SPAG16: variants seen among roughly 807,000 people sequenced by gnomAD.
SPAG16 encodes the protein sperm associated antigen 16, also known as sperm-associated antigen 16 protein.
In SPAG16, 86 loss-of-function variants were observed where a neutral mutation model predicts 80.4. The ratio of observed to expected loss-of-function variants is 1.07; its 90% CI spans 0.90 to 1.28. SPAG16 has a LOEUF of 1.28. SPAG16 is among the 50% of genes most tolerant of loss of function. SPAG16 has a pLI of 0.00. For missense variants in SPAG16, 870 were observed against 765.3 expected (o/e 1.14, Z -1.61); for synonymous variants, 294 against 265.9 (o/e 1.11, Z -1.03).
chr2:213,316,087 A>G (rs186645035), intron 4 of SPAG16, among the ~76,000 whole-genome samples: 1 of 152,082 alleles, frequency 6.6e-6, no homozygotes, highest in African/African-American at 2.4e-5. Context: ...CTGAACTCTG[A>G]ACATGTATAC....
chr2:214,298,145 CACACACACACATAT>C lies in SPAG16; in HGVS notation c.1721-111983_1721-111970del, dbSNP rs1338055218. ...ACACACACACACACATACACATACA[CACACACACACATAT>C]ACACACACACACACACATATATATA... On this transcript the variant is annotated intron_variant, in intron 15 of 15. Coordinates refer to ENST00000331683, the MANE Select transcript of SPAG16 (RefSeq NM_024532.5). Among the ~76,000 whole-genome samples, 10 of 17,206 alleles carry C rather than the reference CACACACACACATAT, an allele frequency of 5.8e-4. 1 individual carries two copies. The highest frequency in any genetic ancestry group is 1.7e-3 in the African/African-American group (10 of 5,828). The allele number at this position is 17,206 out of a possible 152,430, so 11.3% of individuals were successfully genotyped here. A position where few individuals can be genotyped will look rare whatever the true frequency, so the allele number is the denominator to read the frequency against.
intron 9 of SPAG16, among the ~76,000 whole-genome samples, chr2:213,408,825 C>T (rs1234358307): frequency 6.6e-6 from 1 of 152,148 alleles, no homozygotes; most frequent in East Asian, 1.9e-4. Flanking sequence ...ACCATCTATA[C>T]CAATTCTAAG....
intron 10 of SPAG16, among the ~76,000 whole-genome samples, chr2:213,741,822 A>G (rs955807769): frequency 1.3e-5 from 2 of 152,134 alleles, no homozygotes; most frequent in African/African-American, 4.8e-5. Context: ...TGTTATATCT[A>G]CCTGTTGAAT....
chr2:214,099,651 CATGATT>C (rs1288322423), intron 13 of SPAG16, among the ~76,000 whole-genome samples: 1 of 151,978 alleles, frequency 6.6e-6, no homozygotes, highest in Non-Finnish European at 1.5e-5. Flanking sequence ...ATACAACAAA[CATGATT>C]TATGGTAGTT....
intron 15 of SPAG16, among the ~76,000 whole-genome samples, chr2:214,291,345 G>A (rs1390307887): frequency 3.9e-5 from 4 of 102,018 alleles, no homozygotes; most frequent in African/African-American, 1.2e-4. Context: ...TTGCTCTGTC[G>A]CCCAGGCTGG....
intron 8 of SPAG16, among the ~76,000 whole-genome samples, chr2:213,369,985 T>C (rs964748248): frequency 6.6e-6 from 1 of 152,220 alleles, no homozygotes; most frequent in African/African-American, 2.4e-5. Flanking sequence ...TTATGACGTG[T>C]ATCCAACATT....
intron 15 of SPAG16, among the ~76,000 whole-genome samples, chr2:214,178,923 T>C (rs186885505): frequency 2.0e-5 from 3 of 151,450 alleles, no homozygotes; most frequent in African/African-American, 7.2e-5. Context: ...AGCCCAGTTG[T>C]TACCGTCATT....
chr2:213,327,867 A>AATG (rs967592543), intron 5 of SPAG16, among the ~76,000 whole-genome samples: 4 of 152,100 alleles, frequency 2.6e-5, no homozygotes, highest in African/African-American at 9.7e-5. Context: ...AGTATTATGA[A>AATG]ATGATGATGA....
intron 11 of SPAG16, among the ~76,000 whole-genome samples, chr2:213,895,944 A>G (rs941993333): frequency 6.6e-6 from 1 of 152,144 alleles, no homozygotes; most frequent in Non-Finnish European, 1.5e-5. Context: ...AAATGAAAAG[A>G]AAAACCAGGA....
At chr2:213,775,494 A>G (rs2069516644) in intron 10 of SPAG16, among the ~76,000 whole-genome samples, 1 of 152,176 alleles carries the variant, frequency 6.6e-6, no homozygotes, top group Non-Finnish European at 1.5e-5. Flanking sequence ...CATAAGATCT[A>G]TCTACCCTCT....
Position 213,490,091 on chromosome 2 carries a change from G to C in SPAG16, c.1070+1G>C. 3 of 1,570,578 alleles carry C rather than the reference G, an allele frequency of 1.9e-6. No individual in the cohort carries two copies. The South Asian group carries it at 3.6e-5, about 19-fold the overall frequency. ...GACTCCATGAACTTCCAGTGAGCTG[G>C]TAGGATTTTTGATGTTTTATTAATA... On this transcript the variant is annotated splice_donor_variant, in intron 10 of 15. Transcript: ENST00000331683. LOFTEE classifies it high-confidence loss of function.
intron 12 of SPAG16, among the ~76,000 whole-genome samples, chr2:213,974,242 G>A (rs1046185001): frequency 2.6e-5 from 4 of 152,052 alleles, no homozygotes; most frequent in African/African-American, 7.2e-5. Flanking sequence ...GAAATGCTAC[G>A]ATTTAAGCTC....
intron 13 of SPAG16, among the ~76,000 whole-genome samples, chr2:214,103,063 T>G (rs2053166337): frequency 6.6e-6 from 1 of 152,148 alleles, no homozygotes; most frequent in Non-Finnish European, 1.5e-5. Flanking sequence ...GGGAGGTATA[T>G]GCATGCCCAT....
intron 10 of SPAG16, among the ~76,000 whole-genome samples, chr2:213,566,732 T>C (rs2059781920): frequency 6.6e-6 from 1 of 152,220 alleles, no homozygotes; most frequent in African/African-American, 2.4e-5. Context: ...CTTCTGGTGA[T>C]GGTGTATAAT....
At chr2:214,175,300 GAAATATATATATAA>G (rs1458087261) in intron 15 of SPAG16, among the ~76,000 whole-genome samples, 3 of 68,316 alleles carry the variant, frequency 4.4e-5, no homozygotes, top group Non-Finnish European at 1.4e-4. Context: ...TATATATAAA[GAAATATATATATAA>G]AGAAATATAT....
At chr2:213,968,342 G>A (rs890335525) in intron 12 of SPAG16, among the ~76,000 whole-genome samples, 1 of 151,644 alleles carries the variant, frequency 6.6e-6, no homozygotes, top group Non-Finnish European at 1.5e-5. Flanking sequence ...ACCCACACCT[G>A]CCACCACACC....
At chr2:214,132,419 A>G (rs1285475890) in intron 14 of SPAG16, among the ~76,000 whole-genome samples, 2 of 152,228 alleles carry the variant, frequency 1.3e-5, no homozygotes, top group Non-Finnish European at 2.9e-5. Context: ...CTGAAACTTC[A>G]GTTCCTCAGT....
chr2:214,280,429 G>T (rs1034112338), intron 15 of SPAG16, among the ~76,000 whole-genome samples: 1 of 152,132 alleles, frequency 6.6e-6, no homozygotes, highest in African/African-American at 2.4e-5. Context: ...CTTTGAAAAA[G>T]AACATATTTG....
intron 10 of SPAG16, among the ~76,000 whole-genome samples, chr2:213,653,830 T>C (rs1426109210): frequency 6.6e-6 from 1 of 152,178 alleles, no homozygotes; most frequent in East Asian, 1.9e-4. Flanking sequence ...TTTTACTTGA[T>C]ATATTCTATA....
Sources: gnomAD v4.1 joint callset for allele counts (sites outside exome capture counted in the v4.1 genomes callset) on GRCh38, gnomAD v4.1.1 for gene constraint, MANE v1.5 for transcripts, NCBI Gene and HGNC (gene_info 2026-07-23, HGNC 2026-07-21) for gene names.